TTC28: variants seen among roughly 807,000 people sequenced by gnomAD.
TTC28 encodes tetratricopeptide repeat protein 28.
TTC28 carries 61 observed loss-of-function variants against 198.0 expected under a neutral mutation model. That is an observed-to-expected ratio of 0.31 (90% CI 0.25 to 0.38). The LOEUF (loss-of-function observed/expected upper bound fraction) is 0.38, where lower values mean the gene tolerates loss of function less well. TTC28 is among the 10% of genes least tolerant of loss of function. The pLI is 1.00. For synonymous variants in TTC28, 1,171 were observed against 1,297.8 expected (o/e 0.90, Z 2.10); for missense variants, 2,678 against 3,164.0 (o/e 0.85, Z 3.69).
rs1937601357 is a variant in TTC28 at position 27,998,920 on chromosome 22, G to A, written c.4739C>T (p.Pro1580Leu). The change falls in exon 16 of 23, where the codon CCT (proline) becomes CTT (leucine). Residue 1580 changes from proline (P) to leucine (L), a missense_variant. Physicochemically the swap from Pro to Leu is moderately conservative, Grantham distance 98 (BLOSUM62 -3). Around this residue, in one of 8 missense-constraint regions of TTC28, gnomAD observed 727 missense variants for 861.9 expected, o/e 0.84. Transcript: ENST00000397906. Reference sequence around the variant, plus strand: ...ATCGTCCTGCACCCGCAAGGACTCAGGGATCGTGTAGGGGTGGCCGAAGGA... The same window carrying A: ...ATCGTCCTGCACCCGCAAGGACTCAAGGATCGTGTAGGGGTGGCCGAAGGA... ...KSSFGHPYTI[P>L]ESLRVQDDAS... The A allele has an allele frequency of 1.3e-6, 2 of 1,550,820 alleles. No homozygotes were observed. The highest frequency in any genetic ancestry group is 4.9e-5 in the East Asian group (2 of 40,922).
At chr22:28,398,508 C>G (rs2046851913) in intron 2 of TTC28, among the ~76,000 whole-genome samples, 1 of 152,212 alleles carries the variant, frequency 6.6e-6, no homozygotes, top group Non-Finnish European at 1.5e-5. Context: ...CTGTGAGCCT[C>G]TCACAGTGTG....
intron 2 of TTC28, among the ~76,000 whole-genome samples, chr22:28,328,452 A>G (rs146427524): frequency 4.2e-4 from 64 of 151,984 alleles, no homozygotes; most frequent in Non-Finnish European, 6.6e-4. Flanking sequence ...TTAAAAAAAT[A>G]TATAAAAATA....
At chr22:28,054,262 A>G (rs1257157736) in intron 12 of TTC28, among the ~76,000 whole-genome samples, 3 of 152,146 alleles carry the variant, frequency 2.0e-5, no homozygotes, top group Non-Finnish European at 2.9e-5. Context: ...TGCTTGACGA[A>G]ATGAGGCTGC....
At chr22:28,407,856 C>T (rs1055613804) in intron 2 of TTC28, among the ~76,000 whole-genome samples, 2 of 152,200 alleles carry the variant, frequency 1.3e-5, no homozygotes, top group Admixed American at 6.5e-5. Flanking sequence ...TCTATTGGAT[C>T]TGGCATTATG....
chr22:28,515,766 C>T (rs1426674132), intron 2 of TTC28, among the ~76,000 whole-genome samples: 1 of 152,102 alleles, frequency 6.6e-6, no homozygotes, highest in African/African-American at 2.4e-5. Context: ...TAACTTAATA[C>T]ATCTTTTTAT....
rs910529289 is a variant in TTC28 at position 28,005,231 on chromosome 22, G to A, written c.4219-3678C>T. ...ATGCTTGAGAACTTACGGTGTTCCA[G>A]GCCAGGTGAGGGAAAAGGGGAAAGA... On this transcript the variant is annotated intron_variant, in intron 14 of 22. Transcript: ENST00000397906. This position sits in a 1 kb window ranked among gnomAD's most constrained non-coding sequence, Gnocchi z 4.9. 6.6e-6 allele frequency among the ~76,000 whole-genome samples: 1 copy of A among 152,164 alleles called. No homozygotes were observed. Among genetic ancestry groups the A allele is most frequent in the East Asian group, 1.9e-4 (1 of 5,188 alleles).
At chr22:28,074,862 G>A (rs938478019) in intron 12 of TTC28, among the ~76,000 whole-genome samples, 4 of 152,184 alleles carry the variant, frequency 2.6e-5, no homozygotes, top group Non-Finnish European at 5.9e-5. Flanking sequence ...CACTTTGGGA[G>A]GCCAAGGCAG....
intron 5 of TTC28, among the ~76,000 whole-genome samples, chr22:28,287,074 GA>G (rs1405391649): frequency 4.6e-5 from 7 of 152,060 alleles, no homozygotes; most frequent in African/African-American, 1.4e-4. Flanking sequence ...CAGCAATCTT[GA>G]AGTAGAACAA....
intron 12 of TTC28, among the ~76,000 whole-genome samples, chr22:28,034,553 T>C (rs1356962579): frequency 1.3e-5 from 2 of 152,202 alleles, no homozygotes; most frequent in African/African-American, 2.4e-5. Context: ...GAGGACTCTG[T>C]TCTTGTTCCA....
intron 2 of TTC28, among the ~76,000 whole-genome samples, chr22:28,581,532 G>A (rs2050233941): frequency 6.6e-6 from 1 of 152,166 alleles, no homozygotes; most frequent in Non-Finnish European, 1.5e-5. Flanking sequence ...AGTATTTAAG[G>A]GAGGTAATTA....
intron 3 of TTC28, among the ~76,000 whole-genome samples, chr22:28,302,271 A>T (rs2045042502): frequency 6.6e-6 from 1 of 152,144 alleles, no homozygotes; most frequent in Admixed American, 6.5e-5. Context: ...GATAAGAAGG[A>T]AAGAGAGGCA....
chr22:28,519,528 C>A (rs185400679), intron 2 of TTC28, among the ~76,000 whole-genome samples: 2 of 152,124 alleles, frequency 1.3e-5, no homozygotes, highest in Non-Finnish European at 2.9e-5. Context: ...AAATAACTTG[C>A]GGACATCACG....
At chr22:27,985,131 T>A in intron 22 of TTC28, 118 bp downstream of exon 22, 1 of 725,086 alleles carries the variant, frequency 1.4e-6, no homozygotes. Flanking sequence ...CTAACAAACA[T>A]ACACAAAAAA....
chr22:28,677,190 A>G, intron 1 of TTC28, among the ~76,000 whole-genome samples: 1 of 112,720 alleles, frequency 8.9e-6, no homozygotes, highest in South Asian at 2.5e-4. Flanking sequence ...ATATATATAT[A>G]TATATATATA....
At chr22:28,199,685 C>G (rs1925752659) in intron 5 of TTC28, among the ~76,000 whole-genome samples, 1 of 151,610 alleles carries the variant, frequency 6.6e-6, no homozygotes, top group Non-Finnish European at 1.5e-5. Flanking sequence ...TTGGGCCAGA[C>G]AGTTATCTGT....
At chr22:28,161,213 G>C (rs185150061) in intron 6 of TTC28, among the ~76,000 whole-genome samples, 2 of 152,164 alleles carry the variant, frequency 1.3e-5, no homozygotes, top group East Asian at 1.9e-4. Context: ...AGAAAATTTT[G>C]TATCTGTAAA....
intron 2 of TTC28, among the ~76,000 whole-genome samples, chr22:28,472,552 ATGTGTGTGTGTGTGTGTGTGTGTG>A (rs3053555): frequency 8.7e-6 from 1 of 114,726 alleles, no homozygotes; most frequent in African/African-American, 2.8e-5. Flanking sequence ...GAAAATGTGT[ATGTGTGTGTGTGTGTGTGTGTGTG>A]TGTGTGTGTG....
intron 18 of TTC28, 132 bp from the exon 19 acceptor site, chr22:27,992,795 A>G (rs1333339048): frequency 1.3e-5 from 11 of 833,044 alleles, no homozygotes; most frequent in Non-Finnish European, 1.9e-5. Flanking sequence ...ACAGCTAGAC[A>G]TGTGTGTCTG....
chr22:28,420,227 T>C (rs79085256), intron 2 of TTC28, among the ~76,000 whole-genome samples: 2,045 of 152,280 alleles, frequency 0.013, 18 homozygotes, highest in Non-Finnish European at 0.022. Flanking sequence ...TTTCTCTACC[T>C]CTGTATAAAA....
Sources: allele counts gnomAD v4.1 joint callset (sites outside exome capture counted in the v4.1 genomes callset), GRCh38; gene constraint gnomAD v4.1.1; regional missense constraint gnomAD v4.1.1; non-coding constraint Gnocchi (gnomAD v3.1); transcripts MANE v1.5; gene names NCBI Gene and HGNC (gene_info 2026-07-23, HGNC 2026-07-21).